TSHZ3: variants seen among roughly 807,000 people sequenced by gnomAD.
TSHZ3 encodes the protein teashirt zinc finger homeobox 3, also known as teashirt homolog 3.
In TSHZ3, 10 loss-of-function variants were observed where a neutral mutation model predicts 64.5. That is an observed-to-expected ratio of 0.16 (90% CI 0.10 to 0.26). The LOEUF (loss-of-function observed/expected upper bound fraction) is 0.26, where lower values mean the gene tolerates loss of function less well. TSHZ3 is among the 10% of genes least tolerant of loss of function. TSHZ3 has a pLI of 1.00. For missense variants in TSHZ3, 1,242 were observed against 1,421.7 expected (o/e 0.87, Z 2.03); for synonymous variants, 608 against 593.1 (o/e 1.03, Z -0.36).
At chr19:31,219,360 A>G (rs1975370684) in intron 4 of TSHZ3, among the ~76,000 whole-genome samples, 1 of 152,188 alleles carries the variant, frequency 6.6e-6, no homozygotes, top group African/African-American at 2.4e-5. Context: ...TCAACACAGC[A>G]GAAGTTCATT....
chr19:31,273,903 A>G (rs1043135049), downstream of TSHZ3, among the ~76,000 whole-genome samples: 1 of 152,224 alleles, frequency 6.6e-6, no homozygotes, highest in African/African-American at 2.4e-5. Flanking sequence ...GTGTGCCCAC[A>G]TCCCAAGGCA....
chr19:31,296,327 ATTTTTTT>A (rs35057697), intron 1 of TSHZ3, among the ~76,000 whole-genome samples: 3 of 94,022 alleles, frequency 3.2e-5, no homozygotes, highest in African/African-American at 9.3e-5. Context: ...AGTGCTGTGA[ATTTTTTT>A]TTTTTTTTTT....
chr19:31,171,283 G>A (rs1386380583), intron 5 of TSHZ3, among the ~76,000 whole-genome samples: 8 of 152,198 alleles, frequency 5.3e-5, no homozygotes, highest in East Asian at 1.9e-4. Context: ...AGATCACGTC[G>A]CTCCCTGCAC....
At chr19:31,260,148 G>C (rs1467823470) in intron 1 of TSHZ3, among the ~76,000 whole-genome samples, 1 of 152,080 alleles carries the variant, frequency 6.6e-6, no homozygotes, top group Non-Finnish European at 1.5e-5. Flanking sequence ...TCAGGACCTG[G>C]GGTCTGCATC....
intron 5 of TSHZ3, among the ~76,000 whole-genome samples, chr19:31,168,804 G>C (rs1974493999): frequency 6.6e-6 from 1 of 152,140 alleles, no homozygotes; most frequent in Non-Finnish European, 1.5e-5. Context: ...TGGGCCAGCT[G>C]GTCTTGAGCC....
chr19:31,314,097 T>C (rs915309974), intron 1 of TSHZ3, among the ~76,000 whole-genome samples: 4 of 152,128 alleles, frequency 2.6e-5, no homozygotes, highest in Non-Finnish European at 5.9e-5. Context: ...AATTGGAAGA[T>C]GCTTGGTGGA....
At chr19:31,155,516 T>A (rs1368217988) in intron 6 of TSHZ3, among the ~76,000 whole-genome samples, 1 of 152,218 alleles carries the variant, frequency 6.6e-6, no homozygotes, top group Non-Finnish European at 1.5e-5. Flanking sequence ...TGGGCGCTAG[T>A]TCACGCATTC....
chr19:31,224,376 A>G (rs1204602414), intron 4 of TSHZ3, among the ~76,000 whole-genome samples: 1 of 152,158 alleles, frequency 6.6e-6, no homozygotes, highest in Non-Finnish European at 1.5e-5. Context: ...ATTCTGTGTC[A>G]TTGGCTGTGT....
intron 5 of TSHZ3, among the ~76,000 whole-genome samples, chr19:31,170,668 T>C (rs986782922): frequency 2.0e-5 from 3 of 152,208 alleles, no homozygotes; most frequent in African/African-American, 7.2e-5. Context: ...AATAGGAAAT[T>C]AAAAGTAACC....
At chr19:31,158,564 G>C (rs1341788389) in intron 5 of TSHZ3, among the ~76,000 whole-genome samples, 1 of 152,126 alleles carries the variant, frequency 6.6e-6, no homozygotes, top group African/African-American at 2.4e-5. Flanking sequence ...TGGAAGACAA[G>C]GTTTCCACGA....
At chr19:31,205,585 G>A (rs769033082) in intron 4 of TSHZ3, among the ~76,000 whole-genome samples, 13 of 152,156 alleles carry the variant, frequency 8.5e-5, no homozygotes, top group Admixed American at 5.2e-4. Context: ...GGCTGAGCCC[G>A]CTTCACCAGG....
At chr19:31,235,651 TA>T (rs1975602737) in intron 3 of TSHZ3, among the ~76,000 whole-genome samples, 4 of 105,360 alleles carry the variant, frequency 3.8e-5, no homozygotes, top group African/African-American at 1.4e-4. Context: ...TCTTTCTTTC[TA>T]TTTCTTTCTA....
rs563240827 is a variant in TSHZ3, at chr19:31,213,791, C to T, written n.687-8713G>A. Among the ~76,000 whole-genome samples, 28 of 152,328 alleles carry T rather than the reference C, an allele frequency of 1.8e-4. 1 individual carries two copies. In the South Asian group the frequency reaches 5.8e-3, roughly 32 times the overall value. On this transcript the variant is annotated intron_variant and non_coding_transcript_variant, in intron 4 of 6. Transcript: ENST00000651361. Reference sequence around the variant, plus strand: ...CATAAAAGGAATGAGCGTGCTGGCACTTAGCGCACGTTTGGTGCCCAGTCC... The same window carrying T: ...CATAAAAGGAATGAGCGTGCTGGCATTTAGCGCACGTTTGGTGCCCAGTCC...
At chr19:31,345,450 T>A (rs147419309) in intron 1 of TSHZ3, among the ~76,000 whole-genome samples, 1 of 152,200 alleles carries the variant, frequency 6.6e-6, no homozygotes, top group African/African-American at 2.4e-5. Context: ...CTCTTAGGCA[T>A]GCCCATGTCT....
intron 1 of TSHZ3, among the ~76,000 whole-genome samples, chr19:31,336,940 C>T (rs1388139151): frequency 6.6e-6 from 1 of 151,992 alleles, no homozygotes; most frequent in Non-Finnish European, 1.5e-5. Flanking sequence ...TTTTATCAGC[C>T]CTCAGCTGCT....
intron 1 of TSHZ3, among the ~76,000 whole-genome samples, chr19:31,327,215 A>G (rs1196706432): frequency 1.3e-5 from 2 of 152,228 alleles, no homozygotes. Context: ...GTGTTCGACC[A>G]ATTCCCTTCT....
chr19:31,183,783 C>T (rs977437026), intron 5 of TSHZ3, among the ~76,000 whole-genome samples: 1 of 152,110 alleles, frequency 6.6e-6, no homozygotes, highest in African/African-American at 2.4e-5. Flanking sequence ...CTTCATCCCC[C>T]AAAAGGAAGA....
At chr19:31,267,575 A>G (rs1976070991) in intron 1 of TSHZ3, among the ~76,000 whole-genome samples, 2 of 148,614 alleles carry the variant, frequency 1.3e-5, no homozygotes, top group African/African-American at 5.0e-5. Flanking sequence ...CCCTTCCCCC[A>G]TTTCTTTCAA....
chr19:31,228,982 C>G (rs1975506597), intron 3 of TSHZ3, among the ~76,000 whole-genome samples: 1 of 152,116 alleles, frequency 6.6e-6, no homozygotes, highest in Non-Finnish European at 1.5e-5. Flanking sequence ...GAAACTGAGT[C>G]CAGTAATATT....
Sources: gnomAD v4.1 joint callset for allele counts (sites outside exome capture counted in the v4.1 genomes callset) on GRCh38, gnomAD v4.1.1 for gene constraint, MANE v1.5 for transcripts, NCBI Gene and HGNC (gene_info 2026-07-23, HGNC 2026-07-21) for gene names.